The following CEBPZ variants were observed in gnomAD, a reference collection of about 807,000 sequenced individuals.
The protein encoded by CEBPZ is CCAAT/enhancer-binding protein zeta.
A neutral mutation model predicts 104.5 loss-of-function variants in CEBPZ; 78 were observed. The observed-to-expected ratio is 0.75, with a 90% CI of 0.62 to 0.90. CEBPZ has a LOEUF of 0.90. Among genes scored for constraint, CEBPZ ranks in the 40% least tolerant of loss-of-function variants. The pLI is 0.00. For synonymous variants in CEBPZ, 470 were observed against 427.0 expected (o/e 1.10, Z -1.24); for missense variants, 1,439 against 1,233.5 (o/e 1.17, Z -2.50).
chr2:37,220,094 G>A (rs1005449929), intron 5 of CEBPZ, among the ~76,000 whole-genome samples: 15 of 151,932 alleles, frequency 9.9e-5, no homozygotes, highest in African/African-American at 3.6e-4. Flanking sequence ...TGAGGCAGGC[G>A]GATCACAAGG....
At chr2:37,222,298 T>C (rs1330046008) in intron 4 of CEBPZ, 82 bp downstream of exon 4, 3 of 1,190,168 alleles carry the variant, frequency 2.5e-6, no homozygotes, top group South Asian at 3.3e-5. Context: ...AATAAATAAG[T>C]AAATAAAATG....
rs1664935243 is a variant in CEBPZ, at chr2:37,228,078, A to T, written c.1115T>A (p.Leu372Gln). 1 of 1,614,124 alleles carries T rather than the reference A, an allele frequency of 6.2e-7. No individual in the cohort carries two copies. Among genetic ancestry groups the T allele is most frequent in the Non-Finnish European group, 8.5e-7 (1 of 1,180,056 alleles). Residue 372 changes from leucine to glutamine, a missense_variant, in exon 2 of 16, where the codon CTG (leucine) becomes CAG (glutamine). Leu to Gln is a moderately radical substitution (Grantham distance 113, BLOSUM62 -2). Coordinates refer to ENST00000234170, the MANE Select transcript of CEBPZ (RefSeq NM_005760.3). ...TTCTTCCTCAGGCTTGTTACAAAGCAGCTCATGAGCCACGGTAAGGGCTCG... is the reference window on the plus strand; with the variant it reads ...TTCTTCCTCAGGCTTGTTACAAAGCTGCTCATGAGCCACGGTAAGGGCTCG... Reference protein sequence around the residue: ...KTRALTVAHELLCNKPEEEKA... With the variant: ...KTRALTVAHEQLCNKPEEEKA...
At chr2:37,231,346 A>G in intron 1 of CEBPZ, 66 bp downstream of exon 1, 1 of 1,590,568 alleles carries the variant, frequency 6.3e-7, no homozygotes, top group Non-Finnish European at 8.6e-7. Context: ...GCGGCGGGGC[A>G]GTCAGCCTAG....
At chr2:37,205,161 C>G (rs1677490097) in intron 13 of CEBPZ, among the ~76,000 whole-genome samples, 1 of 152,160 alleles carries the variant, frequency 6.6e-6, no homozygotes, top group South Asian at 2.1e-4. Flanking sequence ...TTTGAAAGAG[C>G]TGATAAAATT....
intron 13 of CEBPZ, chr2:37,204,078 T>A (rs1449423242): frequency 1.3e-5 from 2 of 150,852 alleles, no homozygotes; most frequent in African/African-American, 5.0e-5. Context: ...GTGATATGTA[T>A]GTTACTTAAC....
At chr2:37,219,403 C>CT (rs34265692) in intron 5 of CEBPZ, among the ~76,000 whole-genome samples, 3,560 of 147,818 alleles carry the variant, frequency 0.024, 67 homozygotes, top group Middle Eastern at 0.055. Context: ...GTCATACTGG[C>CT]TTTTTTTTTT....
rs745986304 is a variant in CEBPZ at position 37,228,020 on chromosome 2, C to T, written c.1173G>A (p.Leu391=). 3.1e-6 allele frequency: 5 copies of T among 1,614,142 alleles called. No homozygotes were observed. The highest frequency in any genetic ancestry group is 3.4e-6 in the Non-Finnish European group (4 of 1,180,022). The stretch of plus-strand genomic sequence containing the variant: ...TGGCAATTCTGTTCTGAGGATCTCC[C>T]AGTTTATTTACCACTTGCACAAGAA... ...KALLVQVVNK[L]GDPQNRIATK... The change falls in exon 2 of 16, where the codon CTG becomes CTA. Residue 391 remains leucine (L), a synonymous_variant. Coordinates refer to ENST00000234170, the MANE Select transcript of CEBPZ (RefSeq NM_005760.3).
chr2:37,230,713 C>T (rs1450651042), intron 1 of CEBPZ, among the ~76,000 whole-genome samples: 2 of 152,150 alleles, frequency 1.3e-5, no homozygotes, highest in East Asian at 3.8e-4. Flanking sequence ...CTCACTCTGC[C>T]TCTGCTACAC....
chr2:37,212,533 C>T, intron 10 of CEBPZ, 141 bp from the exon 11 acceptor site: 1 of 703,062 alleles, frequency 1.4e-6, no homozygotes, highest in Non-Finnish European at 2.4e-6. Context: ...GTTACTGTTG[C>T]TAGTGTGCCT....
intron 13 of CEBPZ, chr2:37,203,577 G>C (rs1677390260): frequency 6.6e-6 from 1 of 152,134 alleles, no homozygotes; most frequent in African/African-American, 2.4e-5. Flanking sequence ...ATTTTAAAAA[G>C]AGCTTTACTA....
Position 37,228,062 on chromosome 2 carries a change from A to C in CEBPZ, c.1131T>G (p.Pro377=). The change falls in exon 2 of 16, where the codon CCT becomes CCG. Residue 377 remains proline (P), a synonymous_variant. Coordinates refer to ENST00000234170, the MANE Select transcript of CEBPZ (RefSeq NM_005760.3). ...GCACAAGAAGAGCCTTTTCTTCCTC[A>C]GGCTTGTTACAAAGCAGCTCATGAG... ...TVAHELLCNK[P]EEEKALLVQV... 6.2e-7 allele frequency: 1 copy of C among 1,614,204 alleles called. No individual in the cohort carries two copies. The highest frequency in any genetic ancestry group is 8.5e-7 in the Non-Finnish European group (1 of 1,180,028).
At chr2:37,203,064 A>C in intron 13 of CEBPZ, 56 bp from the exon 14 acceptor site, 1 of 1,149,938 alleles carries the variant, frequency 8.7e-7, no homozygotes, top group South Asian at 1.6e-5. Context: ...ATTTTAGAAA[A>C]ATGCAATGCA....
rs1387912327 is a variant in CEBPZ, at chr2:37,231,529, C to G, written c.39G>C (p.Lys13Asn). 6.2e-7 allele frequency: 1 copy of G among 1,614,252 alleles called. No homozygotes were observed. ...AVKEPLEFHA[K>N]RPWRPEEAVE... ...CTGCCTCCTCGGGGCGCCAAGGCCG[C>G]TTGGCATGGAACTCCAAAGGCTCCT... Residue 13 changes from lysine to asparagine, a missense_variant, in exon 1 of 16, where the codon AAG (lysine) becomes AAC (asparagine). Transcript: ENST00000234170.
intron 13 of CEBPZ, among the ~76,000 whole-genome samples, chr2:37,207,444 A>G (rs759446111): frequency 1.9e-4 from 29 of 152,232 alleles, no homozygotes; most frequent in Non-Finnish European, 2.5e-4. Context: ...CTGAAATTGT[A>G]TCAAGTACCC....
At chr2:37,221,868 A>G (rs1464182169) in intron 4 of CEBPZ, among the ~76,000 whole-genome samples, 1 of 152,226 alleles carries the variant, frequency 6.6e-6, no homozygotes, top group Non-Finnish European at 1.5e-5. Context: ...CTGCATTTCT[A>G]AGATTTTTTT....
Position 37,212,387 on chromosome 2 carries a change from A to C in CEBPZ, c.2551T>G (p.Phe851Val). Residue 851 changes from phenylalanine to valine, a missense_variant, in exon 11 of 16, where the codon TTT becomes GTT. Coordinates refer to ENST00000234170, the MANE Select transcript of CEBPZ (RefSeq NM_005760.3). ...GAGCTGAAACAGTTATCATCTTCAA[A>C]TGTGTCTGCCAGACAATACAGAAAT... The part of the protein sequence containing the change: ...DEEFEELIDT[F>V]EDDNCFSSGK... The C allele has an allele frequency of 6.2e-7, 1 of 1,613,146 alleles. No individual in the cohort carries two copies. Among genetic ancestry groups the C allele is most frequent in the Non-Finnish European group, 8.5e-7 (1 of 1,179,410 alleles).
intron 6 of CEBPZ, 126 bp downstream of exon 6, chr2:37,216,858 C>G: frequency 1.3e-6 from 1 of 775,138 alleles, no homozygotes; most frequent in Non-Finnish European, 2.1e-6. Flanking sequence ...GTCACTGCTT[C>G]TTTATACGAG....
chr2:37,222,562 T>A lies in CEBPZ; in HGVS notation c.1883A>T (p.Glu628Val), dbSNP rs1347327425. 1 of 1,576,976 alleles carries A rather than the reference T, an allele frequency of 6.3e-7. No individual in the cohort carries two copies. The highest frequency in any genetic ancestry group is 8.6e-7 in the Non-Finnish European group (1 of 1,166,302). Residue 628 changes from glutamate (E) to valine (V), a missense_variant and splice_region_variant, in exon 4 of 16, where the codon GAG becomes GTG. Physicochemically the swap from Glu to Val is moderately radical, Grantham distance 121 (BLOSUM62 -2). Transcript: ENST00000234170. ...GLRSQLDDHP[E>V]SDDEENFIDA... ...AATAAAATTTTCTTCATCATCAGAC[T>A]CCTAACAAAAGTATAGTTTCATAAA...
chr2:37,217,193 T>C (rs1664625630), intron 5 of CEBPZ, among the ~76,000 whole-genome samples, 156 bp from the exon 6 acceptor site: 1 of 152,042 alleles, frequency 6.6e-6, no homozygotes, highest in African/African-American at 2.4e-5. Context: ...AGCCCAGAAG[T>C]TGAGACTGGC....
Sources: gnomAD v4.1 joint callset for allele counts (sites outside exome capture counted in the v4.1 genomes callset) on GRCh38, gnomAD v4.1.1 for gene constraint, MANE v1.5 for transcripts, NCBI Gene and HGNC (gene_info 2026-07-23, HGNC 2026-07-21) for gene names.